Variants in GPM6A observed in about 807,000 individuals in gnomAD.
GPM6A encodes glycoprotein M6A.
A neutral mutation model predicts 32.1 loss-of-function variants in GPM6A; 7 were observed. The ratio of observed to expected loss-of-function variants is 0.22; its 90% CI spans 0.12 to 0.41. The LOEUF (loss-of-function observed/expected upper bound fraction) is 0.41. Ranked by LOEUF, GPM6A falls within the 10% of genes least tolerant of loss-of-function variation. GPM6A has a pLI of 1.00. For synonymous variants in GPM6A, 130 were observed against 123.4 expected (o/e 1.05, Z -0.35); for missense variants, 235 against 347.2 (o/e 0.68, Z 2.57).
intron 1 of GPM6A, among the ~76,000 whole-genome samples, chr4:175,732,083 C>T (rs1017896453): frequency 6.6e-6 from 1 of 151,536 alleles, no homozygotes; most frequent in African/African-American, 2.4e-5. Flanking sequence ...TCGCCTGCCT[C>T]AGCCTCCCTA....
intron 1 of GPM6A, among the ~76,000 whole-genome samples, chr4:175,741,971 G>A (rs1731905874): frequency 6.6e-6 from 1 of 152,004 alleles, no homozygotes; most frequent in South Asian, 2.1e-4. Context: ...GAGAAAAAAT[G>A]AGAGTTAAAG....
intron 1 of GPM6A, among the ~76,000 whole-genome samples, chr4:175,868,355 G>T (rs149772662): frequency 6.6e-6 from 1 of 152,236 alleles, no homozygotes; most frequent in East Asian, 1.9e-4. Context: ...AATGTCTGTA[G>T]TATCTGTAGT....
At chr4:175,951,279 A>G (rs541878566) in intron 1 of GPM6A, among the ~76,000 whole-genome samples, 1 of 152,332 alleles carries the variant, frequency 6.6e-6, no homozygotes, top group East Asian at 1.9e-4. Context: ...TACTACTTTT[A>G]GTAGGAAAAA....
At chr4:175,759,926 T>A (rs1732672730) in intron 1 of GPM6A, among the ~76,000 whole-genome samples, 4 of 152,180 alleles carry the variant, frequency 2.6e-5, no homozygotes, top group African/African-American at 4.8e-5. Flanking sequence ...ACGCATGTAA[T>A]CCTAGCACTT....
intron 1 of GPM6A, among the ~76,000 whole-genome samples, chr4:175,788,554 CA>C (rs1733890767): frequency 6.6e-6 from 1 of 152,082 alleles, no homozygotes; most frequent in East Asian, 1.9e-4. Flanking sequence ...ACAACACAGA[CA>C]AAACCCTTAT....
At chr4:175,952,047 C>T (rs1407848785) in intron 1 of GPM6A, among the ~76,000 whole-genome samples, 1 of 152,248 alleles carries the variant, frequency 6.6e-6, no homozygotes, top group Non-Finnish European at 1.5e-5. Flanking sequence ...GATAAATCTC[C>T]TTCCACACAG....
chr4:175,660,494 T>C (rs1742346974), intron 3 of GPM6A, among the ~76,000 whole-genome samples: 1 of 151,916 alleles, frequency 6.6e-6, no homozygotes, highest in Admixed American at 6.6e-5. Context: ...TGTGAAAAAA[T>C]AGAAACACTA....
At chr4:175,939,292 G>C (rs1025006517) in intron 1 of GPM6A, among the ~76,000 whole-genome samples, 1 of 152,164 alleles carries the variant, frequency 6.6e-6, no homozygotes, top group Non-Finnish European at 1.5e-5. Flanking sequence ...AGGCAAGCTC[G>C]TGTAGCAGTC....
chr4:175,878,181 T>C (rs942633463), intron 1 of GPM6A, among the ~76,000 whole-genome samples: 1 of 152,188 alleles, frequency 6.6e-6, no homozygotes. Context: ...TGGCCTGGTA[T>C]TGAATGTCTA....
intron 1 of GPM6A, among the ~76,000 whole-genome samples, chr4:175,933,488 T>C (rs1561000446): frequency 6.6e-6 from 1 of 152,184 alleles, no homozygotes; most frequent in Non-Finnish European, 1.5e-5. Context: ...GTTACACTCC[T>C]CTCCTGTGTC....
intron 3 of GPM6A, among the ~76,000 whole-genome samples, chr4:175,667,360 A>T (rs1029863455): frequency 5.9e-5 from 9 of 152,164 alleles, no homozygotes; most frequent in Admixed American, 5.2e-4. Flanking sequence ...GCCAAAGTGC[A>T]TTTACAAAAT....
Position 175,965,802 on chromosome 4 carries a change from C to T in GPM6A, c.-23+36507G>A, listed in dbSNP as rs552823479. ...CTAATTTTTGTATTGTTAGTAGAGA[C>T]GGGGTTTCACCATGTTGGCCAGGCT... On this transcript the variant is annotated intron_variant, in intron 1 of 7. Coordinates refer to the GPM6A transcript ENST00000280187. 5.3e-5 allele frequency among the ~76,000 whole-genome samples: 8 copies of T among 151,896 alleles called. No individual in the cohort carries two copies. In the South Asian group the frequency reaches 6.2e-4, roughly 12 times the overall value.
At chr4:175,733,279 G>A (rs758898552) in intron 1 of GPM6A, among the ~76,000 whole-genome samples, 6 of 152,178 alleles carry the variant, frequency 3.9e-5, no homozygotes, top group East Asian at 1.9e-4. Flanking sequence ...TGAGGCAGGC[G>A]GATCATGAGG....
intron 1 of GPM6A, among the ~76,000 whole-genome samples, chr4:175,943,145 T>C (rs1739469968): frequency 6.6e-6 from 1 of 152,192 alleles, no homozygotes; most frequent in Non-Finnish European, 1.5e-5. Context: ...TTGTAGCAAT[T>C]GTGAATGGGA....
At chr4:175,877,181 A>G (rs1737108906) in intron 1 of GPM6A, among the ~76,000 whole-genome samples, 1 of 152,220 alleles carries the variant, frequency 6.6e-6, no homozygotes, top group African/African-American at 2.4e-5. Context: ...GTGTGGGCAC[A>G]GTGTGGCACA....
chr4:175,988,828 C>A (rs765032453), intron 1 of GPM6A, among the ~76,000 whole-genome samples: 4 of 152,054 alleles, frequency 2.6e-5, no homozygotes, highest in Non-Finnish European at 5.9e-5. Flanking sequence ...CCCAATGTAG[C>A]GTGAGGGGCA....
At chr4:175,965,431 TATTA>T (rs1478666647) in intron 1 of GPM6A, among the ~76,000 whole-genome samples, 2 of 151,760 alleles carry the variant, frequency 1.3e-5, no homozygotes, top group African/African-American at 4.8e-5. Context: ...AAAAAAATAA[TATTA>T]ATTAAAGTAG....
intron 3 of GPM6A, among the ~76,000 whole-genome samples, chr4:175,665,520 C>T (rs1332254882): frequency 6.6e-6 from 1 of 152,036 alleles, no homozygotes; most frequent in East Asian, 1.9e-4. Context: ...GTGGCTCAAG[C>T]CTGTAATCCC....
At chr4:175,686,179 T>C (rs1743972799) in intron 2 of GPM6A, among the ~76,000 whole-genome samples, 1 of 152,180 alleles carries the variant, frequency 6.6e-6, no homozygotes, top group Admixed American at 6.5e-5. Flanking sequence ...CAGCAATTAT[T>C]GCAAGAGCGA....
Sources: gnomAD v4.1 joint callset for allele counts (sites outside exome capture counted in the v4.1 genomes callset) on GRCh38, gnomAD v4.1.1 for gene constraint, MANE v1.5 for transcripts, NCBI Gene and HGNC (gene_info 2026-07-23, HGNC 2026-07-21) for gene names.